MORN1: variants seen among roughly 807,000 people sequenced by gnomAD.
The protein encoded by MORN1 is MORN repeat-containing protein 1.
MORN1 carries 67 observed loss-of-function variants against 61.9 expected under a neutral mutation model. That is an observed-to-expected ratio of 1.08 (90% confidence interval 0.89 to 1.33). The LOEUF (loss-of-function observed/expected upper bound fraction) is 1.33, where lower values mean the gene tolerates loss of function less well. Among genes scored for constraint, MORN1 ranks in the 40% most tolerant of loss-of-function variants. The pLI is 0.00. For synonymous variants in MORN1, 301 were observed against 292.0 expected (o/e 1.03, Z -0.31); for missense variants, 752 against 691.2 (o/e 1.09, Z -0.99).
rs373324516 is a variant in MORN1 at position 2,340,442 on chromosome 1, C to T, written c.1037-3592G>A. ...GCCCCTGGCCACTGACTCCTCCCCT[C>T]GCTCCATGACACCCCTCCACCCACA... On this transcript the variant is annotated intron_variant, in intron 10 of 13. Transcript: ENST00000378531. Among the ~76,000 whole-genome samples the T allele has an allele frequency of 7.9e-5, 12 of 152,284 alleles. No homozygotes were observed. The South Asian group carries it at 1.9e-3, about 24-fold the overall frequency.
intron 8 of MORN1, among the ~76,000 whole-genome samples, chr1:2,359,260 C>T (rs1641843050): frequency 6.6e-6 from 1 of 152,184 alleles, no homozygotes; most frequent in Non-Finnish European, 1.5e-5. Flanking sequence ...TGGGCTCCCC[C>T]CTCCACTAAG....
chr1:2,332,493 G>A, intron 12 of MORN1: 1 of 403,844 alleles, frequency 2.5e-6, no homozygotes, highest in South Asian at 1.8e-5. Context: ...CCCCTCGGCA[G>A]TTCTGTCTTG....
chr1:2,322,636 G>A lies in MORN1; in HGVS notation c.1298-1057C>T, dbSNP rs1195728123. 10 of 985,248 alleles carry A rather than the reference G, an allele frequency of 1.0e-5. No homozygotes were observed. In the South Asian group the frequency reaches 1.9e-4, roughly 19 times the overall value. 61.0% of individuals were successfully genotyped at this position (985,248 alleles called of 1,614,324 possible). A position where few individuals can be genotyped will look rare whatever the true frequency, so the allele number is the denominator to read the frequency against. ...CCTGGCGGGTGTGGGCCACAGCACC[G>A]GGCACCGGGGACAGCCTCCCTGGCG... is the stretch of plus-strand genomic sequence containing the variant. On this transcript the variant is annotated intron_variant, in intron 13 of 13. Coordinates refer to ENST00000378531, the MANE Select transcript of MORN1 (RefSeq NM_024848.3).
chr1:2,355,043 T>G (rs1641730329), intron 10 of MORN1: 1 of 480,946 alleles, frequency 2.1e-6, no homozygotes, highest in Non-Finnish European at 2.7e-6. Context: ...GCCCCCCAGG[T>G]AGGATCCGCC....
chr1:2,322,356 T>C, intron 13 of MORN1: 1 of 985,248 alleles, frequency 1.0e-6, no homozygotes, highest in Non-Finnish European at 1.2e-6. Context: ...CGGCCGCAGC[T>C]GAAATGGGGG....
At chr1:2,391,373 T>G in intron 1 of MORN1, 85 bp downstream of exon 1, 6 of 1,226,648 alleles carry the variant, frequency 4.9e-6, no homozygotes, top group Non-Finnish European at 5.1e-6. Context: ...GAGGTGAGCA[T>G]TTGGGGGTCG....
intron 12 of MORN1, 47 bp downstream of exon 12, chr1:2,336,422 C>T: frequency 6.3e-7 from 1 of 1,577,812 alleles, no homozygotes; most frequent in Non-Finnish European, 8.7e-7. Flanking sequence ...ATGAGGAGGC[C>T]ACAGCTGACC....
intron 1 of MORN1, 147 bp downstream of exon 1, chr1:2,391,311 G>A (rs1642655802): frequency 2.1e-6 from 2 of 940,902 alleles, no homozygotes; most frequent in Admixed American, 4.3e-5. Context: ...GTGGGAGTGG[G>A]GGACGCGGGG....
intron 12 of MORN1, chr1:2,326,771 C>G (rs918795912): frequency 6.6e-6 from 1 of 152,366 alleles, no homozygotes; most frequent in Non-Finnish European, 1.5e-5. Context: ...CTGCCACCAC[C>G]GCGCAGACAC....
At chr1:2,382,268 C>T (rs1364232774) in intron 6 of MORN1, among the ~76,000 whole-genome samples, 1 of 152,194 alleles carries the variant, frequency 6.6e-6, no homozygotes, top group African/African-American at 2.4e-5. Context: ...TCCTGAATCT[C>T]AGGGAACATG....
At chr1:2,322,270 C>CT (rs2100211879) in intron 13 of MORN1, 2 of 985,486 alleles carry the variant, frequency 2.0e-6, no homozygotes, top group Non-Finnish European at 2.4e-6. Context: ...ATCCTCTCCC[C>CT]TCCCCTGAGC....
Position 2,336,466 on chromosome 1 carries a change from T to C in MORN1, c.1250+3A>G, listed in dbSNP as rs1421294154. ...ACCTGCAGGTGGGGTGGGCTCATCC[T>C]ACCTGCTGCCTCCAGGAGGCTCCTG... On this transcript the variant is annotated splice_donor_region_variant and intron_variant, in intron 12 of 13. Coordinates refer to ENST00000378531, the MANE Select transcript of MORN1 (RefSeq NM_024848.3). The C allele has an allele frequency of 6.2e-7, 1 of 1,611,002 alleles. No individual in the cohort carries two copies. Among genetic ancestry groups the C allele is most frequent in the South Asian group, 1.1e-5 (1 of 91,014 alleles).
At chr1:2,367,003 GA>G (rs1642009993) in intron 8 of MORN1, among the ~76,000 whole-genome samples, 1 of 149,724 alleles carries the variant, frequency 6.7e-6, no homozygotes, top group South Asian at 2.1e-4. Flanking sequence ...AAAACACATA[GA>G]AAAATACATA....
Position 2,357,456 on chromosome 1 carries a change from C to T in MORN1, c.1012G>A (p.Glu338Lys), listed in dbSNP as rs1164629283. The change falls in exon 10 of 14, where the codon GAG (glutamate) becomes AAG (lysine). Residue 338 changes from glutamate to lysine, a missense_variant. Transcript: ENST00000378531. The surrounding 1 kb of genome is among the most constrained non-coding windows in gnomAD (Gnocchi z 6.3). ...CCAAGCAGGCCACCAGGGGTGTCCT[C>T]CTGGCCATGGAGGGCACCCAAATGC... ...ELHLGALHGQ[E>K]DTPGGLLARG... The T allele has an allele frequency of 5.0e-6, 8 of 1,610,758 alleles. No homozygotes were observed. The highest frequency in any genetic ancestry group is 6.8e-6 in the Non-Finnish European group (8 of 1,178,580).
At chr1:2,324,190 C>G (rs373197190) in intron 12 of MORN1, 47 bp from the exon 13 acceptor site, 2 of 1,550,834 alleles carry the variant, frequency 1.3e-6, no homozygotes, top group South Asian at 2.3e-5. Flanking sequence ...GCCTGGGCCC[C>G]GACGACATGG....
rs146451358 is a variant in MORN1 at position 2,387,424 on chromosome 1, C to T, written c.353G>A (p.Arg118Gln). Residue 118 changes from arginine (R) to glutamine (Q), a missense_variant, in exon 4 of 14, where the codon CGG becomes CAG. Transcript: ENST00000378531. Reference sequence around the variant, plus strand: ...GGCTCCTGTGGGCGCCAGACCTTCCCGCATGCCGTGGGAGACCTCCCCTTC... The same window carrying T: ...GGCTCCTGTGGGCGCCAGACCTTCCTGCATGCCGTGGGAGACCTCCCCTTC... Reference protein sequence around the residue: ...CYEGEVSHGMREGHGFLVDRD... With the variant: ...CYEGEVSHGMQEGHGFLVDRD... 42 of 1,612,712 alleles carry T rather than the reference C, an allele frequency of 2.6e-5. No homozygotes were observed. The Middle Eastern group carries it at 2.3e-3, about 89-fold the overall frequency.
chr1:2,355,053 CCCA>C, intron 10 of MORN1: 1 of 620,848 alleles, frequency 1.6e-6, no homozygotes, highest in South Asian at 6.7e-5. Context: ...TAGGATCCGC[CCCA>C]GACTCAGGCA....
At position 2,357,455 on chromosome 1, in the gene MORN1, T is replaced by C; in HGVS notation, c.1013A>G (p.Glu338Gly). ...ACCAAGCAGGCCACCAGGGGTGTCC[T>C]CCTGGCCATGGAGGGCACCCAAATG... ...ELHLGALHGQ[E>G]DTPGGLLARG... Residue 338 changes from glutamate to glycine, a missense_variant, in exon 10 of 14, where the codon GAG becomes GGG. Transcript: ENST00000378531. The surrounding 1 kb of genome is among the most constrained non-coding windows in gnomAD (Gnocchi z 6.3). The C allele has an allele frequency of 6.2e-7, 1 of 1,610,322 alleles. No individual in the cohort carries two copies. Among genetic ancestry groups the C allele is most frequent in the Non-Finnish European group, 8.5e-7 (1 of 1,178,442 alleles).
chr1:2,368,059 A>C (rs1557884919), intron 8 of MORN1, among the ~76,000 whole-genome samples: 1 of 152,274 alleles, frequency 6.6e-6, no homozygotes, highest in African/African-American at 2.4e-5. Flanking sequence ...ATCGAAACTT[A>C]AAACTTTTGT....
Sources: gnomAD v4.1 joint callset for allele counts (sites outside exome capture counted in the v4.1 genomes callset) on GRCh38, gnomAD v4.1.1 for gene constraint, Gnocchi (gnomAD v3.1) non-coding constraint, MANE v1.5 for transcripts, NCBI Gene and HGNC (gene_info 2026-07-23, HGNC 2026-07-21) for gene names.